FAM53A: variants seen among roughly 807,000 people sequenced by gnomAD.
FAM53A encodes protein FAM53A.
In FAM53A, 28 loss-of-function variants were observed where a neutral mutation model predicts 26.6. That is an observed-to-expected ratio of 1.05 (90% confidence interval 0.78 to 1.45). The LOEUF is 1.45. Ranked by LOEUF, FAM53A falls within the 40% of genes most tolerant of loss-of-function variation. FAM53A has a pLI of 0.00. For missense variants in FAM53A, 650 were observed against 575.8 expected (o/e 1.13, Z -1.32); for synonymous variants, 290 against 253.1 (o/e 1.15, Z -1.38).
At chr4:1,590,900 C>A in the FAM53A span, among the ~76,000 whole-genome samples, 1 of 141,930 alleles carries the variant, frequency 7.0e-6, no homozygotes, top group Non-Finnish European at 1.5e-5. Context: ...ATATATTTCT[C>A]CTGGTAATAT....
In FAM53A at chr4:1,646,912, C is replaced by T. The variant is rs144301702; in HGVS notation, c.883-5305G>A. 2.9e-3 allele frequency among the ~76,000 whole-genome samples: 440 copies of T among 152,308 alleles called. 3 individuals carry two copies. The highest frequency in any genetic ancestry group is 0.01 in the African/African-American group (423 of 41,568). ...AGCTTTTCAAAGCCCTAAAAGCACA[C>T]GCTTTTATAGAAACCAGCAGCTGCT... On this transcript the variant is annotated intron_variant, in intron 4 of 4. Coordinates refer to ENST00000308132, the MANE Select transcript of FAM53A (RefSeq NM_001174070.3).
chr4:1,661,574 G>A (rs985919692), intron 2 of FAM53A, among the ~76,000 whole-genome samples: 1 of 152,048 alleles, frequency 6.6e-6, no homozygotes, highest in Non-Finnish European at 1.5e-5. Flanking sequence ...AGAGCACAGT[G>A]AGATGCTGGC....
chr4:1,613,245 G>A (rs1286392766), downstream of FAM53A, among the ~76,000 whole-genome samples: 6 of 152,342 alleles, frequency 3.9e-5, no homozygotes, highest in Admixed American at 1.3e-4. Context: ...CTGGGGGTGG[G>A]AAGCCCAAGG....
chr4:1,670,728 G>A (rs920103823), intron 1 of FAM53A, among the ~76,000 whole-genome samples: 10 of 152,206 alleles, frequency 6.6e-5, no homozygotes, highest in Admixed American at 6.5e-4. Context: ...GCTTCAGAAG[G>A]AGGCCTCTCC....
chr4:1,654,697 C>T (rs947326629), intron 4 of FAM53A, among the ~76,000 whole-genome samples: 10 of 152,242 alleles, frequency 6.6e-5, no homozygotes, highest in Non-Finnish European at 1.3e-4. Flanking sequence ...CGTTCTGCTG[C>T]CTCCCCCAGG....
At chr4:1,604,201 C>G in the FAM53A span, among the ~76,000 whole-genome samples, 1 of 152,234 alleles carries the variant, frequency 6.6e-6, no homozygotes, top group South Asian at 2.1e-4. Flanking sequence ...TGGTCCCAGG[C>G]TGTGTGGATG....
the FAM53A span, among the ~76,000 whole-genome samples, chr4:1,579,430 C>T: frequency 6.6e-6 from 1 of 152,112 alleles, no homozygotes; most frequent in Non-Finnish European, 1.5e-5. Context: ...CTGCGCCACC[C>T]CCCCGCCCTC....
At chr4:1,618,037 T>C (rs1009286296) in exon 2 of FAM53A, 5 of 456,256 alleles carry the variant, frequency 1.1e-5, no homozygotes, top group Non-Finnish European at 2.2e-5. Context: ...GGCTGTCAGA[T>C]GCCGTGAAGA....
chr4:1,619,881 C>A lies in FAM53A; in HGVS notation c.432-1770G>T, dbSNP rs536072306. Among the ~76,000 whole-genome samples the A allele has an allele frequency of 2.0e-5, 3 of 152,308 alleles. No homozygotes were observed. In the East Asian group the frequency reaches 5.8e-4, roughly 29 times the overall value. On this transcript the variant is annotated intron_variant, in intron 1 of 1. Coordinates refer to the FAM53A transcript ENST00000489029. ...TGCGATCATCTAAGCTGTCCTCTCT[C>A]GCCTCATGGTCTCCACATTTCCTTA...
At chr4:1,601,233 C>CCGG in the FAM53A span, among the ~76,000 whole-genome samples, 1 of 87,438 alleles carries the variant, frequency 1.1e-5, no homozygotes, top group Non-Finnish European at 2.8e-5. Flanking sequence ...CGCAACAGGT[C>CCGG]GGACACCCAC....
the FAM53A span, among the ~76,000 whole-genome samples, chr4:1,605,601 C>T: frequency 6.6e-6 from 1 of 150,612 alleles, no homozygotes; most frequent in South Asian, 2.1e-4. The surrounding 1 kb of genome is among the most constrained non-coding windows in gnomAD (Gnocchi z 5.7). Flanking sequence ...CCTCTCCCTG[C>T]GGGTCCAGGT....
chr4:1,590,770 A>G, the FAM53A span, among the ~76,000 whole-genome samples: 1 of 151,650 alleles, frequency 6.6e-6, no homozygotes, highest in Non-Finnish European at 1.5e-5. Flanking sequence ...ACTGATAGAT[A>G]ATAGAGGTAA....
chr4:1,586,125 C>T, the FAM53A span, among the ~76,000 whole-genome samples: 1 of 152,150 alleles, frequency 6.6e-6, no homozygotes, highest in African/African-American at 2.4e-5. Flanking sequence ...TAGATTGATT[C>T]CATGTCTTGG....
At position 1,655,575 on chromosome 4, in the gene FAM53A, T is replaced by A; in HGVS notation, c.285A>T (p.Ala95=). The A allele has an allele frequency of 6.3e-7, 1 of 1,581,246 alleles. No homozygotes were observed. The highest frequency in any genetic ancestry group is 8.6e-7 in the Non-Finnish European group (1 of 1,162,668). Residue 95 remains alanine (A), a synonymous_variant, in exon 4 of 5, where the codon GCA becomes GCT. Transcript: ENST00000308132. ...CCACGGTGCTGGCTGCACCCAGGCC[T>A]GCGCCTGGGCGCGGGGACTGTGGCT... ...QWQPQSPRPG[A]GLGAASTVDP...
rs374260906 is a variant in FAM53A at position 1,659,163 on chromosome 4, C to A, written c.76-1695G>T. 6.6e-6 allele frequency among the ~76,000 whole-genome samples: 1 copy of A among 152,210 alleles called. No homozygotes were observed. Among genetic ancestry groups the A allele is most frequent in the Non-Finnish European group, 1.5e-5 (1 of 68,030 alleles). On this transcript the variant is annotated intron_variant, in intron 2 of 4. Transcript: ENST00000308132. This position sits in a 1 kb window ranked among gnomAD's most constrained non-coding sequence, Gnocchi z 5.2. ...ACGGCGGTGTGGAGCTGTGAGCACC[C>A]GGCCACACCATGAGGACAGGGCCTG... is the stretch of plus-strand genomic sequence containing the variant.
intron 2 of FAM53A, among the ~76,000 whole-genome samples, chr4:1,662,753 G>A (rs915032091): frequency 2.0e-5 from 3 of 151,622 alleles, no homozygotes; most frequent in African/African-American, 4.8e-5. Flanking sequence ...CAAAAGAAGA[G>A]ATACAAATGG....
intron 1 of FAM53A, chr4:1,618,244 T>C (rs981454946): frequency 1.4e-5 from 6 of 432,724 alleles, no homozygotes; most frequent in African/African-American, 1.0e-4. Context: ...CAGGGGTGCA[T>C]CCAGGCTGTG....
chr4:1,585,882 A>T, the FAM53A span, among the ~76,000 whole-genome samples: 3 of 151,842 alleles, frequency 2.0e-5, no homozygotes, highest in South Asian at 6.2e-4. Flanking sequence ...GCGCCACCAC[A>T]CCTGGCTAAT....
downstream of FAM53A, among the ~76,000 whole-genome samples, chr4:1,638,437 G>A (rs73795188): frequency 1.3e-3 from 198 of 152,272 alleles, 1 homozygote; most frequent in African/African-American, 4.6e-3. Context: ...CCACCAACCA[G>A]ACACCCTACA....
Sources: gnomAD v4.1 joint callset for allele counts (sites outside exome capture counted in the v4.1 genomes callset) on GRCh38, gnomAD v4.1.1 for gene constraint, Gnocchi (gnomAD v3.1) non-coding constraint, MANE v1.5 for transcripts, NCBI Gene and HGNC (gene_info 2026-07-23, HGNC 2026-07-21) for gene names.